Variants in ZBTB7C observed in about 807,000 individuals in gnomAD.
The protein encoded by ZBTB7C is zinc finger and BTB domain-containing protein 7C.
In ZBTB7C, 8 loss-of-function variants were observed where a neutral mutation model predicts 25.7. The observed-to-expected ratio is 0.31, with a 90% CI of 0.18 to 0.56. The LOEUF (loss-of-function observed/expected upper bound fraction) is 0.56. ZBTB7C is among the 20% of genes least tolerant of loss of function. ZBTB7C has a pLI of 0.91. For synonymous variants in ZBTB7C, 394 were observed against 369.0 expected, an observed-to-expected ratio of 1.07 and a Z score of -0.78; for missense variants, 824 against 855.2, an observed-to-expected ratio of 0.96 and a Z score of 0.46.
chr18:48,341,590 C>T (rs1184688675), intron 1 of ZBTB7C, among the ~76,000 whole-genome samples: 1 of 152,232 alleles, frequency 6.6e-6, no homozygotes, highest in African/African-American at 2.4e-5. Context: ...GCTCATTAAA[C>T]ATCTGAGGCA....
At chr18:48,280,698 G>A (rs934249502) in intron 2 of ZBTB7C, among the ~76,000 whole-genome samples, 1 of 152,038 alleles carries the variant, frequency 6.6e-6, no homozygotes, top group Non-Finnish European at 1.5e-5. Flanking sequence ...CACCTACGGA[G>A]CCAGAGTCCC....
At chr18:48,384,936 C>A (rs1261934174) in intron 1 of ZBTB7C, among the ~76,000 whole-genome samples, 1 of 152,242 alleles carries the variant, frequency 6.6e-6, no homozygotes, top group Non-Finnish European at 1.5e-5. Flanking sequence ...CCTGCCTCAG[C>A]CTCCCAAAGT....
At chr18:48,305,302 C>A (rs945001367) in intron 2 of ZBTB7C, among the ~76,000 whole-genome samples, 2 of 152,176 alleles carry the variant, frequency 1.3e-5, no homozygotes, top group Admixed American at 6.5e-5. Flanking sequence ...GCCAGAGCTA[C>A]GGTTCCAAAA....
intron 2 of ZBTB7C, among the ~76,000 whole-genome samples, chr18:48,232,720 C>T (rs1159163465): frequency 1.3e-5 from 2 of 152,190 alleles, no homozygotes; most frequent in Non-Finnish European, 2.9e-5. Flanking sequence ...GGTCTCCTGC[C>T]TCCTAGTTAA....
Position 48,367,204 on chromosome 18 carries a change from C to CAT in ZBTB7C, c.-303-28807_-303-28806insAT, listed in dbSNP as rs1568404002. On this transcript the variant is annotated intron_variant, in intron 1 of 4. Coordinates refer to ENST00000590800, the MANE Select transcript of ZBTB7C (RefSeq NM_001318841.2). ...ATATATATATATATATATATATATA[C>CAT]ACACACACACACACACACACACACA... Among the ~76,000 whole-genome samples, 3 of 48,662 alleles carry CAT rather than the reference C, an allele frequency of 6.2e-5. 1 individual carries two copies. The highest frequency in any genetic ancestry group is 3.0e-4 in the African/African-American group (3 of 10,062). 31.9% of individuals were successfully genotyped at this position (48,662 alleles called of 152,430 possible). A position where few individuals can be genotyped will look rare whatever the true frequency, so the allele number is the denominator to read the frequency against.
chr18:48,091,233 G>A (rs190817565), intron 3 of ZBTB7C, among the ~76,000 whole-genome samples: 1,632 of 114,288 alleles, frequency 0.014, 44 homozygotes, highest in African/African-American at 0.046. Flanking sequence ...CACTATGCCC[G>A]GATAATTTTT....
intron 1 of ZBTB7C, among the ~76,000 whole-genome samples, chr18:48,370,485 T>C (rs2047363170): frequency 6.6e-6 from 1 of 152,038 alleles, no homozygotes; most frequent in Non-Finnish European, 1.5e-5. Flanking sequence ...GTGATGAAAA[T>C]GTTCTCCATC....
At chr18:48,171,343 C>T (rs751405148) in intron 3 of ZBTB7C, among the ~76,000 whole-genome samples, 31 of 152,360 alleles carry the variant, frequency 2.0e-4, no homozygotes, top group Non-Finnish European at 4.0e-4. Flanking sequence ...CCACACTGGG[C>T]ACTCTTTGAG....
At chr18:48,199,519 C>G (rs758631307) in intron 2 of ZBTB7C, among the ~76,000 whole-genome samples, 3 of 152,174 alleles carry the variant, frequency 2.0e-5, no homozygotes, top group Non-Finnish European at 2.9e-5. Context: ...ATTATCTCCT[C>G]TTATCTCTCT....
At chr18:48,338,061 T>A (rs2046496678) in intron 2 of ZBTB7C, 113 bp downstream of exon 2, 1 of 152,214 alleles carries the variant, frequency 6.6e-6, no homozygotes, top group Non-Finnish European at 1.5e-5. Flanking sequence ...TTAGTGTGCT[T>A]TGTTTGCATA....
chr18:48,182,172 G>A (rs1047564668), intron 3 of ZBTB7C, among the ~76,000 whole-genome samples: 7 of 150,754 alleles, frequency 4.6e-5, no homozygotes, highest in African/African-American at 1.7e-4. Flanking sequence ...CTTCTTGAAC[G>A]GAAATGAGAT....
intron 3 of ZBTB7C, among the ~76,000 whole-genome samples, chr18:48,080,271 C>G (rs1405756181): frequency 6.6e-6 from 1 of 152,216 alleles, no homozygotes; most frequent in Non-Finnish European, 1.5e-5. Flanking sequence ...CCATGTGTGA[C>G]TCTGGATATC....
chr18:48,203,088 G>T (rs1046624358), intron 2 of ZBTB7C, among the ~76,000 whole-genome samples: 5 of 152,148 alleles, frequency 3.3e-5, no homozygotes, highest in African/African-American at 1.2e-4. Context: ...GCCCTCTGTT[G>T]AGCAAGAGGA....
intron 1 of ZBTB7C, among the ~76,000 whole-genome samples, chr18:48,354,380 G>A (rs1186742502): frequency 6.6e-6 from 1 of 152,094 alleles, no homozygotes; most frequent in Non-Finnish European, 1.5e-5. Context: ...CACAATTAAG[G>A]AATTTGCTCA....
chr18:48,070,549 G>A (rs919451787), intron 3 of ZBTB7C, among the ~76,000 whole-genome samples: 1 of 152,222 alleles, frequency 6.6e-6, no homozygotes, highest in African/African-American at 2.4e-5. Context: ...CAGTGTGGGT[G>A]CCACACCTTT....
chr18:48,377,863 A>G (rs549718106), intron 1 of ZBTB7C, among the ~76,000 whole-genome samples: 3 of 152,304 alleles, frequency 2.0e-5, no homozygotes, highest in Admixed American at 2.0e-4. Context: ...AAGAGTAAAA[A>G]GGAGAGAGGT....
At chr18:48,255,792 C>T (rs2044005054) in intron 2 of ZBTB7C, among the ~76,000 whole-genome samples, 1 of 152,152 alleles carries the variant, frequency 6.6e-6, no homozygotes, top group Non-Finnish European at 1.5e-5. Context: ...AGCCAATTAA[C>T]ATCTTTAAAT....
chr18:48,147,781 T>C (rs1476228399), intron 3 of ZBTB7C: 1 of 150,590 alleles, frequency 6.6e-6, no homozygotes, highest in Admixed American at 6.6e-5. Context: ...GCCTGGCTAA[T>C]TGTTGTATTA....
chr18:48,359,251 C>T (rs537255854), intron 1 of ZBTB7C, among the ~76,000 whole-genome samples: 1 of 152,194 alleles, frequency 6.6e-6, no homozygotes, highest in African/African-American at 2.4e-5. Context: ...CTTCCTCCAT[C>T]CCCCATGAGA....
Sources: allele counts gnomAD v4.1 joint callset (sites outside exome capture counted in the v4.1 genomes callset), GRCh38; gene constraint gnomAD v4.1.1; transcripts MANE v1.5; gene names NCBI Gene and HGNC (gene_info 2026-07-23, HGNC 2026-07-21).